Variants in DMD observed in about 807,000 individuals in gnomAD.
DMD encodes dystrophin.
In DMD, 63 loss-of-function variants were observed where a neutral mutation model predicts 330.1. That is an observed-to-expected ratio of 0.19 (90% CI 0.16 to 0.24). The LOEUF (loss-of-function observed/expected upper bound fraction) is 0.24. Among genes scored for constraint, DMD ranks in the 10% least tolerant of loss-of-function variants. The pLI is 1.00. For synonymous variants in DMD, 1,223 were observed against 959.8 expected (o/e 1.27, Z -5.07); for missense variants, 3,344 against 2,684.1 (o/e 1.25, Z -5.43).
At chrX:31,485,995 T>C (rs1734570280) in intron 57 of DMD, among the ~76,000 whole-genome samples, 1 of 112,357 alleles carries the variant, frequency 8.9e-6, no homozygotes, top group Non-Finnish European at 1.9e-5. Flanking sequence ...GGCCAGAACC[T>C]GGCTGCAGTG....
At chrX:33,195,732 TTGTGTGTGTGTGTGTGTGTG>T (rs71969580) in intron 1 of DMD, among the ~76,000 whole-genome samples, 7 of 97,691 alleles carry the variant, frequency 7.2e-5, no homozygotes, top group Admixed American at 3.6e-4. Context: ...CTGTTCTATT[TTGTGTGTGTGTGTGTGTGTG>T]TGTGTGTGTG....
rs745574040 is a variant in DMD, at chrX:32,633,400, C to G, written c.1331+10732G>C. ...CCATCTGAGACCTCGACAGCTTGGA[C>G]TTCACTGTGCATATCAGTATCAGCA... On this transcript the variant is annotated intron_variant, in intron 11 of 78. Coordinates refer to ENST00000357033, the MANE Select transcript of DMD (RefSeq NM_004006.3). 3.6e-5 allele frequency among the ~76,000 whole-genome samples: 4 copies of G among 112,212 alleles called. No homozygotes were observed. In the South Asian group the frequency reaches 1.1e-3, roughly 32 times the overall value.
At chrX:32,738,077 C>T (rs914080449) in intron 7 of DMD, among the ~76,000 whole-genome samples, 5 of 111,491 alleles carry the variant, frequency 4.5e-5, no homozygotes, top group Non-Finnish European at 7.5e-5. Flanking sequence ...GGTAATGAGA[C>T]TAGAGCTCAA....
chrX:31,355,806 C>G (rs182701049), intron 60 of DMD, among the ~76,000 whole-genome samples: 1 of 109,284 alleles, frequency 9.2e-6, no homozygotes, highest in African/African-American at 3.3e-5. Context: ...AATGGTAATC[C>G]CTTTCAGTTA....
At chrX:31,388,116 C>A in intron 60 of DMD, among the ~76,000 whole-genome samples, 1 of 108,684 alleles carries the variant, frequency 9.2e-6, no homozygotes, top group East Asian at 2.9e-4. Flanking sequence ...TCTCCTGCCT[C>A]AGCCTCCCGA....
intron 61 of DMD, among the ~76,000 whole-genome samples, chrX:31,333,497 G>A (rs1176248089): frequency 3.1e-5 from 3 of 98,058 alleles, no homozygotes; most frequent in Non-Finnish European, 6.0e-5. Context: ...TGAAGATGCA[G>A]TTCAAAACTG....
intron 7 of DMD, among the ~76,000 whole-genome samples, chrX:32,738,766 G>A (rs575507710): frequency 1.8e-5 from 2 of 111,192 alleles, no homozygotes; most frequent in African/African-American, 3.3e-5. Context: ...TAAGGTATAC[G>A]ATATAGATGA....
At chrX:31,401,469 T>C (rs1473609100) in intron 60 of DMD, among the ~76,000 whole-genome samples, 2 of 112,324 alleles carry the variant, frequency 1.8e-5, no homozygotes, top group East Asian at 5.6e-4. Context: ...GACGTAACCA[T>C]GTCAGCTAAC....
intron 18 of DMD, among the ~76,000 whole-genome samples, 178 bp from the exon 19 acceptor site, chrX:32,502,020 A>G (rs2044108218): frequency 8.9e-6 from 1 of 112,240 alleles, no homozygotes; most frequent in Non-Finnish European, 1.9e-5. Flanking sequence ...TGGCAATAAA[A>G]GCATGAGCCA....
intron 12 of DMD, 75 bp from the exon 13 acceptor site, chrX:32,595,951 G>T: frequency 2.1e-6 from 2 of 939,364 alleles, no homozygotes; most frequent in Non-Finnish European, 3.1e-6. Context: ...GCTCTCAAAT[G>T]GTGAAATTTA....
chrX:31,890,024 C>G lies in DMD; in HGVS notation c.6913-14651G>C, dbSNP rs775672285. Among the ~76,000 whole-genome samples the G allele has an allele frequency of 2.7e-5, 3 of 109,565 alleles. No individual in the cohort carries two copies. In the South Asian group the frequency reaches 1.2e-3, roughly 43 times the overall value. On this transcript the variant is annotated intron_variant, in intron 47 of 78. Coordinates refer to ENST00000357033, the MANE Select transcript of DMD (RefSeq NM_004006.3). ...CAAGAACCATAACAAATAACAATAA[C>G]TTGATATTTATTTAGGCCCTGAGGT...
intron 52 of DMD, among the ~76,000 whole-genome samples, chrX:31,686,283 T>C (rs1276196035): frequency 1.8e-5 from 2 of 112,560 alleles, no homozygotes; most frequent in Non-Finnish European, 3.8e-5. Context: ...TTATCCCCAC[T>C]TTCTCTTTAT....
chrX:32,033,076 G>T (rs1171653254), intron 44 of DMD, among the ~76,000 whole-genome samples: 1 of 112,270 alleles, frequency 8.9e-6, no homozygotes, highest in East Asian at 2.8e-4. Context: ...TCTGCAATAT[G>T]AAACAATATG....
At chrX:33,285,902 C>G (rs1169973776) in intron 1 of DMD, among the ~76,000 whole-genome samples, 1 of 111,765 alleles carries the variant, frequency 8.9e-6, no homozygotes, top group Non-Finnish European at 1.9e-5. Context: ...ACAAATACAC[C>G]TTGAATTTTG....
At chrX:32,887,645 G>A (rs1396414013) in intron 2 of DMD, among the ~76,000 whole-genome samples, 3 of 103,365 alleles carry the variant, frequency 2.9e-5, no homozygotes, top group Non-Finnish European at 5.9e-5. Context: ...CTACTCAGGA[G>A]GCTGAGGCAG....
intron 55 of DMD, among the ~76,000 whole-genome samples, chrX:31,544,720 G>A (rs777335334): frequency 4.3e-4 from 48 of 110,856 alleles, no homozygotes; most frequent in Non-Finnish European, 7.5e-4. Context: ...AAATAAATTC[G>A]CATGCTTTTA....
In DMD at chrX:32,410,700, C is replaced by T. The variant is rs953423887; in HGVS notation, c.4233+1052G>A. On this transcript the variant is annotated intron_variant, in intron 30 of 78. Transcript: ENST00000357033. ...ATTTGAAAAGCAGATCTAGTAATTG[C>T]GATCACACAACCCTAAAGACTTTTG... 3.6e-5 allele frequency among the ~76,000 whole-genome samples: 4 copies of T among 111,401 alleles called. No homozygotes were observed. In the South Asian group the frequency reaches 1.1e-3, roughly 31 times the overall value.
intron 55 of DMD, among the ~76,000 whole-genome samples, chrX:31,622,451 A>C (rs1009484747): frequency 7.2e-5 from 8 of 111,681 alleles, no homozygotes; most frequent in African/African-American, 2.6e-4. Flanking sequence ...ATATGGATTG[A>C]TACTCATTAA....
rs746207415 is a variant in DMD at position 31,363,287 on chromosome X, A to T, written c.9085-14653T>A. Among the ~76,000 whole-genome samples the T allele has an allele frequency of 1.1e-3, 128 of 111,484 alleles. 2 individuals carry two copies. Among genetic ancestry groups the T allele is most frequent in the African/African-American group, 4.1e-3 (125 of 30,737 alleles). On this transcript the variant is annotated intron_variant, in intron 60 of 78. Transcript: ENST00000357033. ...AAATTGGATGGAATCTCAAGTATTC[A>T]TAACTACATATAAGAACAAAAACTA...
Sources: allele counts gnomAD v4.1 joint callset (sites outside exome capture counted in the v4.1 genomes callset), GRCh38; gene constraint gnomAD v4.1.1; transcripts MANE v1.5; gene names NCBI Gene and HGNC (gene_info 2026-07-23, HGNC 2026-07-21).